STK3: variants seen among roughly 807,000 people sequenced by gnomAD.
STK3 encodes the protein serine/threonine-protein kinase 3.
A neutral mutation model predicts 58.0 loss-of-function variants in STK3; 41 were observed. That is an observed-to-expected ratio of 0.71 (90% confidence interval 0.55 to 0.92). STK3 has a LOEUF of 0.92. Among genes scored for constraint, STK3 ranks in the 40% least tolerant of loss-of-function variants. The pLI, the probability that STK3 is intolerant of heterozygous loss-of-function variation, is 0.00. For missense variants in STK3, 479 were observed against 602.7 expected (o/e 0.79, Z 2.15); for synonymous variants, 170 against 191.0 (o/e 0.89, Z 0.91).
intron 6 of STK3, among the ~76,000 whole-genome samples, chr8:98,606,894 G>C (rs1816819134): frequency 6.6e-6 from 1 of 152,138 alleles, no homozygotes; most frequent in Admixed American, 6.5e-5. Flanking sequence ...CAAACCTGAG[G>C]GGATCAAAGG....
chr8:98,375,690 A>G (rs969183110), intron 2 of STK3, among the ~76,000 whole-genome samples: 5 of 151,972 alleles, frequency 3.3e-5, no homozygotes, highest in Non-Finnish European at 5.9e-5. Flanking sequence ...TTTTTACTCA[A>G]CATAGTATCT....
intron 7 of STK3, among the ~76,000 whole-genome samples, chr8:98,593,896 CA>C (rs902170070): frequency 2.1e-4 from 31 of 151,026 alleles, no homozygotes; most frequent in Admixed American, 1.2e-3. Context: ...CCTACCCCCC[CA>C]AAAAAAAATT....
intron 2 of STK3, among the ~76,000 whole-genome samples, chr8:98,773,312 CAT>C (rs1392707326): frequency 1.3e-5 from 2 of 152,162 alleles, no homozygotes; most frequent in Non-Finnish European, 2.9e-5. Flanking sequence ...TGTTGTCTGA[CAT>C]GTTTTGTTAT....
intron 8 of STK3, among the ~76,000 whole-genome samples, chr8:98,571,884 C>G (rs1473316309): frequency 1.3e-5 from 2 of 152,164 alleles, no homozygotes; most frequent in African/African-American, 4.8e-5. Context: ...CCTTAAGAAA[C>G]GTCTGAGCTC....
chr8:98,927,239 T>C (rs528930863), intron 1 of STK3, among the ~76,000 whole-genome samples: 2 of 152,212 alleles, frequency 1.3e-5, no homozygotes, highest in African/African-American at 4.8e-5. Flanking sequence ...TGAGGCTACC[T>C]GTCTTGTTCA....
At chr8:98,554,530 T>G (rs533147475) in intron 8 of STK3, among the ~76,000 whole-genome samples, 1 of 152,158 alleles carries the variant, frequency 6.6e-6, no homozygotes, top group Non-Finnish European at 1.5e-5. Context: ...TGTAAAAACA[T>G]TGAATTAAGT....
chr8:98,507,956 C>T (rs1488438877), intron 10 of STK3, among the ~76,000 whole-genome samples: 2 of 152,148 alleles, frequency 1.3e-5, no homozygotes, highest in Non-Finnish European at 2.9e-5. Context: ...CATTACCTTA[C>T]GTGGTTCTTT....
intron 4 of STK3, among the ~76,000 whole-genome samples, chr8:98,731,418 C>A (rs1371661340): frequency 1.3e-5 from 2 of 152,078 alleles, no homozygotes; most frequent in Non-Finnish European, 2.9e-5. Flanking sequence ...GAAAGGGTTC[C>A]TCTCTAAAGA....
At chr8:98,406,716 C>T (rs1002666928) in intron 3 of STK3, among the ~76,000 whole-genome samples, 8 of 152,230 alleles carry the variant, frequency 5.3e-5, no homozygotes, top group African/African-American at 1.7e-4. Flanking sequence ...CCCTTATCTG[C>T]GCCTACCACA....
At chr8:98,903,630 G>A (rs1437900793) in intron 1 of STK3, among the ~76,000 whole-genome samples, 1 of 150,386 alleles carries the variant, frequency 6.6e-6, no homozygotes, top group African/African-American at 2.4e-5. Context: ...CAGCCCAACT[G>A]CTGGGTTCAA....
At chr8:98,700,038 G>A (rs1390837706) in intron 6 of STK3, among the ~76,000 whole-genome samples, 1 of 152,228 alleles carries the variant, frequency 6.6e-6, no homozygotes, top group Non-Finnish European at 1.5e-5. Context: ...CTTCCCGGCT[G>A]CTTTGTTTAC....
intron 3 of STK3, among the ~76,000 whole-genome samples, chr8:98,422,175 C>A (rs1037406144): frequency 3.9e-5 from 6 of 152,198 alleles, no homozygotes; most frequent in African/African-American, 1.4e-4. Context: ...AAATTCAGTC[C>A]AGCATCCAGG....
chr8:98,895,749 C>T (rs1479034761), intron 1 of STK3, among the ~76,000 whole-genome samples: 2 of 152,042 alleles, frequency 1.3e-5, no homozygotes, highest in African/African-American at 2.4e-5. Flanking sequence ...TTGTGTTGAT[C>T]CTGGAATCTA....
At chr8:98,553,638 A>G (rs1300624786) in intron 8 of STK3, among the ~76,000 whole-genome samples, 1 of 152,134 alleles carries the variant, frequency 6.6e-6, no homozygotes, top group Non-Finnish European at 1.5e-5. Context: ...AACACTTATC[A>G]ATGAGTTAGA....
chr8:98,643,366 A>G (rs1437858994), intron 6 of STK3, among the ~76,000 whole-genome samples: 1 of 152,132 alleles, frequency 6.6e-6, no homozygotes, highest in Non-Finnish European at 1.5e-5. Context: ...GCCTCTGGTT[A>G]AGAATCAAAG....
intron 4 of STK3, among the ~76,000 whole-genome samples, chr8:98,729,613 CAA>C (rs1454110309): frequency 6.6e-6 from 1 of 152,180 alleles, no homozygotes; most frequent in African/African-American, 2.4e-5. Context: ...GTCCAAAATG[CAA>C]AGACACTTTT....
intron 1 of STK3, among the ~76,000 whole-genome samples, chr8:98,785,442 C>T (rs976845482): frequency 3.9e-5 from 6 of 152,200 alleles, no homozygotes; most frequent in Non-Finnish European, 8.8e-5. Flanking sequence ...AGGTACACCT[C>T]TGGGTGCTTG....
At chr8:98,690,036 A>G (rs1261020453) in intron 6 of STK3, among the ~76,000 whole-genome samples, 3 of 152,142 alleles carry the variant, frequency 2.0e-5, no homozygotes, top group African/African-American at 7.2e-5. Flanking sequence ...ACATCAAAGG[A>G]ACATACCTTA....
chr8:98,517,705 TCAATTTTTA>T (rs1825039370), intron 10 of STK3, among the ~76,000 whole-genome samples: 2 of 152,242 alleles, frequency 1.3e-5, no homozygotes, highest in South Asian at 4.2e-4. Flanking sequence ...GTTTCCTCAA[TCAATTTTTA>T]AAACTTTTTT....
Sources: gnomAD v4.1 joint callset for allele counts (sites outside exome capture counted in the v4.1 genomes callset) on GRCh38, gnomAD v4.1.1 for gene constraint, MANE v1.5 for transcripts, NCBI Gene and HGNC (gene_info 2026-07-23, HGNC 2026-07-21) for gene names.